The following SMAD3 variants were observed in gnomAD, a reference collection of about 807,000 sequenced individuals.
SMAD3 encodes MAD homolog 3.
Under a neutral mutation model 51.8 loss-of-function variants are expected in SMAD3, and 12 were observed. That is an observed-to-expected ratio of 0.23 (90% CI 0.15 to 0.38). The LOEUF (loss-of-function observed/expected upper bound fraction) is 0.38. SMAD3 is among the 10% of genes least tolerant of loss of function. The pLI is 1.00. For missense variants in SMAD3, 294 were observed against 565.6 expected (o/e 0.52, Z 4.87); for synonymous variants, 238 against 227.7 (o/e 1.05, Z -0.41).
intron 5 of SMAD3, among the ~76,000 whole-genome samples, chr15:67,178,912 C>T (rs1230793827): frequency 1.3e-5 from 2 of 152,148 alleles, no homozygotes; most frequent in East Asian, 3.9e-4. Context: ...TCCTTTGCTC[C>T]ACCCCAGGAA....
At chr15:67,186,782 GC>G (rs905694885) in intron 7 of SMAD3, 1 of 294,522 alleles carries the variant, frequency 3.4e-6, no homozygotes, top group African/African-American at 2.2e-5. Context: ...TTACCTCCTA[GC>G]CCCAGCACCA....
At chr15:67,083,762 TTTC>T (rs777846023) in intron 1 of SMAD3, among the ~76,000 whole-genome samples, 1 of 152,342 alleles carries the variant, frequency 6.6e-6, no homozygotes, top group East Asian at 1.9e-4. Context: ...ATGTTTGCCA[TTTC>T]TTCTTCTTTC....
intron 1 of SMAD3, chr15:67,125,590 T>C (rs1961365389): frequency 6.5e-6 from 3 of 459,508 alleles, no homozygotes; most frequent in African/African-American, 6.4e-5. Flanking sequence ...TTTAATAGCT[T>C]AACAGAGACA....
intron 5 of SMAD3, among the ~76,000 whole-genome samples, chr15:67,174,819 T>A (rs1424325643): frequency 2.0e-5 from 3 of 152,200 alleles, no homozygotes; most frequent in Admixed American, 1.3e-4. Flanking sequence ...GCAGAGGACA[T>A]CTGGTTTCTC....
intron 1 of SMAD3, among the ~76,000 whole-genome samples, chr15:67,075,641 A>G (rs1435194748): frequency 6.6e-6 from 1 of 152,210 alleles, no homozygotes; most frequent in Non-Finnish European, 1.5e-5. Flanking sequence ...GTGGCCGGGC[A>G]CGGTGGCTCA....
In SMAD3 at chr15:67,106,490, A is replaced by G. The variant is rs575471501; in HGVS notation, c.206+40130A>G. ...CCCCTTCATCTTAACTCTATCCCCA[A>G]TACACTCTCTCACAGAGACTGTTCT... On this transcript the variant is annotated intron_variant, in intron 1 of 8. Coordinates refer to ENST00000327367, the MANE Select transcript of SMAD3 (RefSeq NM_005902.4). 7.9e-5 allele frequency among the ~76,000 whole-genome samples: 12 copies of G among 152,012 alleles called. No individual in the cohort carries two copies. The South Asian group carries it at 1.5e-3, about 18-fold the overall frequency.
At chr15:67,182,528 C>T (rs144913634) in intron 6 of SMAD3, among the ~76,000 whole-genome samples, 6 of 152,126 alleles carry the variant, frequency 3.9e-5, no homozygotes, top group East Asian at 1.9e-4. Flanking sequence ...CCTGGTCCCA[C>T]GTGAACCAGG....
At position 67,192,137 on chromosome 15, in the gene SMAD3, G is replaced by C. The variant is rs1963382298; in HGVS notation, c.*1601G>C. On this transcript the variant is annotated 3_prime_UTR_variant, in exon 9 of 9. Coordinates refer to ENST00000327367, the MANE Select transcript of SMAD3 (RefSeq NM_005902.4). ...CCTGCTTTATTCCAGGTGAAGGGAAGGAAGTGTATATACTTTTGGCAAGTC... is the reference window on the plus strand; with the variant it reads ...CCTGCTTTATTCCAGGTGAAGGGAACGAAGTGTATATACTTTTGGCAAGTC... The C allele has an allele frequency of 8.6e-6, 2 of 232,340 alleles. No individual in the cohort carries two copies. Among genetic ancestry groups the C allele is most frequent in the Admixed American group, 1.1e-4 (2 of 17,742 alleles). The allele number at this position is 232,340 out of a possible 1,614,324, so 14.4% of individuals were successfully genotyped here.
chr15:67,100,061 A>T (rs543068549), intron 1 of SMAD3, among the ~76,000 whole-genome samples: 3 of 151,938 alleles, frequency 2.0e-5, no homozygotes, highest in Non-Finnish European at 2.9e-5. Flanking sequence ...CATGCCTGTA[A>T]TCCCAGCTAC....
chr15:67,164,344 AAG>A (rs1372564224), intron 1 of SMAD3, among the ~76,000 whole-genome samples: 2 of 148,344 alleles, frequency 1.3e-5, no homozygotes, highest in Non-Finnish European at 3.0e-5. Context: ...AAAAAAAAAA[AAG>A]AGGAGGAAAG....
chr15:67,125,267 C>T (rs1433909753), intron 1 of SMAD3, among the ~76,000 whole-genome samples: 1 of 152,258 alleles, frequency 6.6e-6, no homozygotes, highest in Admixed American at 6.5e-5. Context: ...TGCTGATCCA[C>T]CCGCTTCTTT....
At position 67,192,625 on chromosome 15, in the gene SMAD3, T is replaced by TGATCCACCTGCTGCAC; in HGVS notation, c.*2095_*2110dup. On this transcript the variant is annotated 3_prime_UTR_variant, in exon 9 of 9. Coordinates refer to ENST00000327367, the MANE Select transcript of SMAD3 (RefSeq NM_005902.4). ...GGGCAGCAGTTTCCGAGGGCCTGCA[T>TGATCCACCTGCTGCAC]GATCCACCTGCTGCACGATCCTATG... 1 of 233,318 alleles carries TGATCCACCTGCTGCAC rather than the reference T, an allele frequency of 4.3e-6. No individual in the cohort carries two copies. The highest frequency in any genetic ancestry group is 2.2e-5 in the African/African-American group (1 of 45,466). The allele number at this position is 233,318 out of a possible 1,614,324, so 14.5% of individuals were successfully genotyped here. A position where few individuals can be genotyped will look rare whatever the true frequency, so the allele number is the denominator to read the frequency against.
Position 67,194,758 on chromosome 15 carries a change from C to T in SMAD3, c.*4222C>T, listed in dbSNP as rs763293444. 6 of 232,424 alleles carry T rather than the reference C, an allele frequency of 2.6e-5. No homozygotes were observed. Among genetic ancestry groups the T allele is most frequent in the Non-Finnish European group, 3.4e-5 (4 of 117,256 alleles). 14.4% of individuals were successfully genotyped at this position (232,424 alleles called of 1,614,324 possible). On this transcript the variant is annotated 3_prime_UTR_variant, in exon 9 of 9. Transcript: ENST00000327367. The stretch of plus-strand genomic sequence containing the variant: ...CTAAACAAGTGGCCGCGTGTAAAAA[C>T]AGACAGCTCTGAGTCAAATCTGGGC...
intron 1 of SMAD3, among the ~76,000 whole-genome samples, chr15:67,068,929 A>T (rs1375813995): frequency 3.9e-5 from 6 of 152,220 alleles, no homozygotes; most frequent in Admixed American, 3.9e-4. Context: ...TTTGGAAAGT[A>T]GAGAAAGGAA....
intron 1 of SMAD3, among the ~76,000 whole-genome samples, chr15:67,121,856 G>A (rs1055432317): frequency 2.0e-5 from 3 of 152,232 alleles, no homozygotes; most frequent in African/African-American, 7.2e-5. Context: ...CCACCACTGT[G>A]CTAGGCAGTT....
chr15:67,072,737 A>G (rs1960083343), intron 1 of SMAD3, among the ~76,000 whole-genome samples: 2 of 152,142 alleles, frequency 1.3e-5, no homozygotes. Context: ...GAGGGGTATG[A>G]CCTTCTGTTG....
chr15:67,189,748 G>A (rs1234233122), intron 8 of SMAD3, among the ~76,000 whole-genome samples: 1 of 152,174 alleles, frequency 6.6e-6, no homozygotes, highest in Non-Finnish European at 1.5e-5. Context: ...CTGCCTGCAA[G>A]CTGCGTCATC....
chr15:67,119,631 C>T (rs925830504), intron 1 of SMAD3, among the ~76,000 whole-genome samples: 3 of 152,076 alleles, frequency 2.0e-5, no homozygotes, highest in African/African-American at 4.8e-5. Flanking sequence ...AATTCAGACC[C>T]GCACACACTC....
rs1962723512 is a variant in SMAD3 at position 67,170,620 on chromosome 15, T to C, written c.658+16T>C. The C allele has an allele frequency of 6.2e-7, 1 of 1,610,998 alleles. No homozygotes were observed. Among genetic ancestry groups the C allele is most frequent in the Non-Finnish European group, 8.5e-7 (1 of 1,177,212 alleles). ...AATAACTTGGGTGAGTATCTCCTTG[T>C]GCACACAACTGGAACCCCCTCTAGC... On this transcript the variant is annotated intron_variant, in intron 5 of 8. Transcript: ENST00000327367.
Sources: allele counts gnomAD v4.1 joint callset (sites outside exome capture counted in the v4.1 genomes callset), GRCh38; gene constraint gnomAD v4.1.1; transcripts MANE v1.5; gene names NCBI Gene and HGNC (gene_info 2026-07-23, HGNC 2026-07-21).